NUDCD1: variants seen among roughly 807,000 people sequenced by gnomAD.
The protein encoded by NUDCD1 is NudC domain containing 1, also known as nudC domain-containing protein 1.
NUDCD1 carries 60 observed loss-of-function variants against 67.8 expected under a neutral mutation model. The ratio of observed to expected loss-of-function variants is 0.88; its 90% CI spans 0.72 to 1.10. NUDCD1 has a LOEUF of 1.10. NUDCD1 is among the 50% of genes least tolerant of loss of function. The pLI, the probability that NUDCD1 is intolerant of heterozygous loss-of-function variation, is 0.00. For missense variants in NUDCD1, 643 were observed against 695.0 expected (o/e 0.93, Z 0.84); for synonymous variants, 244 against 230.8 (o/e 1.06, Z -0.52).
chr8:109,295,568 C>T (rs1215040657), intron 3 of NUDCD1, among the ~76,000 whole-genome samples: 4 of 152,018 alleles, frequency 2.6e-5, no homozygotes, highest in Non-Finnish European at 5.9e-5. Flanking sequence ...GTTCTAAGAC[C>T]TAACTGGTTT....
At chr8:109,315,063 AAAGT>A in intron 2 of NUDCD1, 1 of 152,320 alleles carries the variant, frequency 6.6e-6, no homozygotes, top group East Asian at 1.9e-4. Flanking sequence ...TTTTCTGGAC[AAAGT>A]ATTTTCATCA....
At chr8:109,279,955 T>C (rs1247372852) in intron 6 of NUDCD1, among the ~76,000 whole-genome samples, 2 of 152,196 alleles carry the variant, frequency 1.3e-5, no homozygotes, top group Admixed American at 6.5e-5. Context: ...TTTTATGGCT[T>C]TGTGTCCTGA....
At position 109,240,953 on chromosome 8, in the gene NUDCD1, A is replaced by G. The variant is rs2129833725; in HGVS notation, c.*2056T>C. ...CATAAAATACTACTTTATTACTATC[A>G]TAAATATTTTATAAATTCCTATTTA... On this transcript the variant is annotated 3_prime_UTR_variant, in exon 10 of 10. Transcript: ENST00000239690. 1 of 152,318 alleles carries G rather than the reference A, an allele frequency of 6.6e-6. No individual in the cohort carries two copies. The highest frequency in any genetic ancestry group is 2.1e-4 in the South Asian group (1 of 4,824). The allele number at this position is 152,318 out of a possible 1,614,324, so 9.4% of individuals were successfully genotyped here.
intron 5 of NUDCD1, among the ~76,000 whole-genome samples, chr8:109,288,745 TA>T (rs1242132262): frequency 6.6e-6 from 1 of 152,180 alleles, no homozygotes; most frequent in Non-Finnish European, 1.5e-5. Context: ...AACAAAAAGG[TA>T]AAACTAATTT....
At position 109,319,371 on chromosome 8, in the gene NUDCD1, G is replaced by A. The variant is rs184062247; in HGVS notation, c.273+2938C>T. Among the ~76,000 whole-genome samples, 250 of 152,262 alleles carry A rather than the reference G, an allele frequency of 1.6e-3. 4 individuals carry two copies. Among genetic ancestry groups the A allele is most frequent in the Non-Finnish European group, 3.5e-4 (24 of 68,008 alleles). ...GATTTCACACTACAACAGCAAAAGC[G>A]AGCAACAAGAGACTATCTGGCCCAC... On this transcript the variant is annotated intron_variant, in intron 2 of 9. Coordinates refer to ENST00000239690, the MANE Select transcript of NUDCD1 (RefSeq NM_032869.4).
intron 6 of NUDCD1, 36 bp downstream of exon 6, chr8:109,280,932 A>G: frequency 1.0e-6 from 1 of 1,003,510 alleles, no homozygotes; most frequent in Non-Finnish European, 1.4e-6. Context: ...AGAAAAAAAG[A>G]TAATAGAATA....
chr8:109,331,385 G>A (rs909735228), intron 1 of NUDCD1, among the ~76,000 whole-genome samples: 20 of 151,792 alleles, frequency 1.3e-4, no homozygotes, highest in African/African-American at 4.1e-4. Context: ...GCATGGTGGC[G>A]GGCGCCTGTA....
At chr8:109,333,171 C>G (rs1815851880) in intron 1 of NUDCD1, among the ~76,000 whole-genome samples, 1 of 152,150 alleles carries the variant, frequency 6.6e-6, no homozygotes. Context: ...AACTGTAGAT[C>G]ACTATTTCTC....
At chr8:109,283,649 A>G (rs540043132) in intron 5 of NUDCD1, among the ~76,000 whole-genome samples, 57 of 146,534 alleles carry the variant, frequency 3.9e-4, no homozygotes, top group Non-Finnish European at 6.5e-4. Context: ...AAGAAATTCC[A>G]CCCAAGAATT....
At chr8:109,247,427 G>A in intron 8 of NUDCD1, among the ~76,000 whole-genome samples, 1 of 152,112 alleles carries the variant, frequency 6.6e-6, no homozygotes, top group South Asian at 2.1e-4. Flanking sequence ...AAGAATAGAG[G>A]ACCTTGAACC....
chr8:109,296,543 C>G lies in NUDCD1; in HGVS notation c.300G>C (p.Glu100Asp). 3.1e-6 allele frequency: 5 copies of G among 1,608,246 alleles called. No individual in the cohort carries two copies. The highest frequency in any genetic ancestry group is 3.4e-6 in the Non-Finnish European group (4 of 1,175,950). ...MLDTALGKPR[E>D]VFRLPTDLTA... ...TCAAATCTGTAGGAAGTCGAAACACCTCTCGTGGTTTTCCTAAGGCAGTGT... is the reference window on the plus strand; with the variant it reads ...TCAAATCTGTAGGAAGTCGAAACACGTCTCGTGGTTTTCCTAAGGCAGTGT... Residue 100 changes from glutamate (E) to aspartate (D), a missense_variant, in exon 3 of 10, where the codon GAG becomes GAC. Glu to Asp is a conservative substitution (Grantham distance 45). Coordinates refer to ENST00000239690, the MANE Select transcript of NUDCD1 (RefSeq NM_032869.4).
At position 109,245,449 on chromosome 8, in the gene NUDCD1, A is replaced by G; in HGVS notation, c.1332T>C (p.Ser444=). The change falls in exon 9 of 10, where the codon TCT becomes TCC. Residue 444 remains serine (S), a synonymous_variant. Transcript: ENST00000239690. ...VNLGSNQYLF[S]VIVDPKEMPC... ...GCATTTCTTTAGGATCCACTATGACAGAGAAAAGGTACTGGTTGCTTCCAA... is the reference window on the plus strand; with the variant it reads ...GCATTTCTTTAGGATCCACTATGACGGAGAAAAGGTACTGGTTGCTTCCAA... 6.2e-7 allele frequency: 1 copy of G among 1,613,060 alleles called. No homozygotes were observed. Among genetic ancestry groups the G allele is most frequent in the Non-Finnish European group, 8.5e-7 (1 of 1,179,504 alleles).
chr8:109,263,221 C>T (rs1417754375), intron 8 of NUDCD1, among the ~76,000 whole-genome samples: 2 of 152,086 alleles, frequency 1.3e-5, no homozygotes, highest in African/African-American at 4.8e-5. Flanking sequence ...ACTTTGTTCA[C>T]ACAGGGATGT....
chr8:109,279,978 A>C (rs2926283), intron 6 of NUDCD1, among the ~76,000 whole-genome samples: 61,676 of 152,080 alleles, frequency 0.41, 12,774 homozygotes, highest in South Asian at 0.5. Flanking sequence ...ACACAGTTCA[A>C]AAAACAAATG....
intron 8 of NUDCD1, among the ~76,000 whole-genome samples, chr8:109,270,518 T>C (rs913389929): frequency 4.6e-5 from 7 of 152,138 alleles, no homozygotes; most frequent in Non-Finnish European, 8.8e-5. Context: ...ATTAGATAAA[T>C]ATCCCTGGAA....
At chr8:109,288,359 C>T (rs1814623341) in intron 5 of NUDCD1, among the ~76,000 whole-genome samples, 1 of 152,100 alleles carries the variant, frequency 6.6e-6, no homozygotes, top group South Asian at 2.1e-4. Flanking sequence ...AGATTGCTTA[C>T]CAAAGGAATT....
intron 8 of NUDCD1, among the ~76,000 whole-genome samples, chr8:109,260,876 CAT>C (rs1419689175): frequency 6.6e-6 from 1 of 152,204 alleles, no homozygotes; most frequent in African/African-American, 2.4e-5. Flanking sequence ...TTGTTCCCCA[CAT>C]GACTGTATGT....
intron 6 of NUDCD1, among the ~76,000 whole-genome samples, chr8:109,280,491 T>C (rs1408697821): frequency 1.3e-5 from 2 of 152,176 alleles, no homozygotes; most frequent in Admixed American, 1.3e-4. Flanking sequence ...GTATGTGTCA[T>C]GCTTGAATGT....
At chr8:109,269,384 T>C (rs1814087112) in intron 8 of NUDCD1, among the ~76,000 whole-genome samples, 1 of 152,226 alleles carries the variant, frequency 6.6e-6, no homozygotes, top group Non-Finnish European at 1.5e-5. Context: ...GAAATGCTCA[T>C]TTTACTTCTT....
Sources: allele counts gnomAD v4.1 joint callset (sites outside exome capture counted in the v4.1 genomes callset), GRCh38; gene constraint gnomAD v4.1.1; transcripts MANE v1.5; gene names NCBI Gene and HGNC (gene_info 2026-07-23, HGNC 2026-07-21).